The following IQCM variants were observed in gnomAD, a reference collection of about 807,000 sequenced individuals.
The protein encoded by IQCM is IQ motif containing M.
Under a neutral mutation model 57.6 loss-of-function variants are expected in IQCM, and 45 were observed. The observed-to-expected ratio is 0.78, with a 90% CI of 0.62 to 1.00. The LOEUF (loss-of-function observed/expected upper bound fraction) is 1.00, where lower values mean the gene tolerates loss of function less well. Ranked by LOEUF, IQCM falls within the 50% of genes least tolerant of loss-of-function variation. The pLI is 0.00. For missense variants in IQCM, 468 were observed against 511.6 expected, an observed-to-expected ratio of 0.91 and a Z score of 0.82; for synonymous variants, 148 against 158.9, an observed-to-expected ratio of 0.93 and a Z score of 0.51.
intron 12 of IQCM, among the ~76,000 whole-genome samples, chr4:149,452,919 A>G (rs1737284672): frequency 6.6e-6 from 1 of 151,568 alleles, no homozygotes; most frequent in African/African-American, 2.4e-5. Context: ...TTAAACAAAT[A>G]GGATATATTG....
At chr4:149,789,915 A>C (rs1580305425) in intron 2 of IQCM, 1 of 198,024 alleles carries the variant, frequency 5.0e-6, no homozygotes, top group East Asian at 1.3e-4. Flanking sequence ...GGCAAAGGCA[A>C]AGGCAAAAAG....
intron 5 of IQCM, among the ~76,000 whole-genome samples, chr4:149,720,317 A>G (rs947429998): frequency 2.0e-5 from 3 of 152,220 alleles, no homozygotes; most frequent in African/African-American, 4.8e-5. Context: ...ATGTTTTAAT[A>G]TCTTTTCTAT....
At chr4:149,535,920 G>C (rs991132391) in intron 12 of IQCM, among the ~76,000 whole-genome samples, 2 of 152,012 alleles carry the variant, frequency 1.3e-5, no homozygotes, top group Non-Finnish European at 2.9e-5. Flanking sequence ...TAGGGTGAAA[G>C]CAGGCATTAA....
At chr4:149,783,911 T>A (rs895820450) in intron 2 of IQCM, among the ~76,000 whole-genome samples, 1 of 152,052 alleles carries the variant, frequency 6.6e-6, no homozygotes, top group Non-Finnish European at 1.5e-5. Flanking sequence ...GGAAATAAAT[T>A]CTTCCAGCAA....
intron 7 of IQCM, among the ~76,000 whole-genome samples, chr4:149,660,201 C>T (rs1760046457): frequency 6.6e-6 from 1 of 151,408 alleles, no homozygotes; most frequent in Non-Finnish European, 1.5e-5. Context: ...CAAAAGAAGA[C>T]ATTTATGCAG....
intron 12 of IQCM, among the ~76,000 whole-genome samples, chr4:149,495,298 T>G (rs1288344868): frequency 6.6e-6 from 1 of 152,086 alleles, no homozygotes; most frequent in African/African-American, 2.4e-5. Flanking sequence ...TGGAAAAGAA[T>G]AGCTACCACG....
chr4:149,577,762 G>GA (rs979457237), intron 9 of IQCM, among the ~76,000 whole-genome samples: 13 of 152,010 alleles, frequency 8.6e-5, no homozygotes, highest in African/African-American at 3.1e-4. Flanking sequence ...CTAATTCTGT[G>GA]AAAAATGATA....
At chr4:149,694,559 C>CACA (rs1763195537) in intron 5 of IQCM, among the ~76,000 whole-genome samples, 2 of 151,768 alleles carry the variant, frequency 1.3e-5, no homozygotes, top group Non-Finnish European at 2.9e-5. Flanking sequence ...CACACACACA[C>CACA]AAAAAACAGC....
At chr4:149,586,168 G>A (rs1450840187) in intron 9 of IQCM, among the ~76,000 whole-genome samples, 7 of 151,562 alleles carry the variant, frequency 4.6e-5, no homozygotes, top group Non-Finnish European at 8.9e-5. Flanking sequence ...GCAAGAACAC[G>A]AACTGCTTTG....
At chr4:149,462,669 A>T (rs1738431280) in intron 12 of IQCM, among the ~76,000 whole-genome samples, 1 of 152,152 alleles carries the variant, frequency 6.6e-6, no homozygotes, top group African/African-American at 2.4e-5. Context: ...ATTAGTTATC[A>T]TGGAAATAAT....
intron 2 of IQCM, among the ~76,000 whole-genome samples, chr4:149,777,421 T>G (rs1034879488): frequency 2.0e-5 from 3 of 152,224 alleles, no homozygotes; most frequent in African/African-American, 7.2e-5. Context: ...CCATTTTATA[T>G]GCCTGTTTTT....
intron 12 of IQCM, among the ~76,000 whole-genome samples, chr4:149,487,880 G>A (rs763961384): frequency 6.6e-6 from 1 of 152,000 alleles, no homozygotes; most frequent in Non-Finnish European, 1.5e-5. Flanking sequence ...TTTTTTTAGT[G>A]ATATGAAATT....
chr4:149,379,706 G>A (rs1165615626), intron 13 of IQCM, among the ~76,000 whole-genome samples: 1 of 152,146 alleles, frequency 6.6e-6, no homozygotes, highest in Non-Finnish European at 1.5e-5. Flanking sequence ...TAAGACTTTG[G>A]ACTGTGGACT....
chr4:149,744,946 G>C (rs573082158), intron 2 of IQCM, among the ~76,000 whole-genome samples: 5 of 152,164 alleles, frequency 3.3e-5, no homozygotes, highest in African/African-American at 1.2e-4. Context: ...ATATAAATCC[G>C]TGAGTACTAT....
At chr4:149,368,782 ATG>A (rs1560778762) in intron 13 of IQCM, among the ~76,000 whole-genome samples, 3 of 111,988 alleles carry the variant, frequency 2.7e-5, no homozygotes, top group South Asian at 5.1e-4. Context: ...ATATATATAC[ATG>A]TATATATATA....
intron 13 of IQCM, among the ~76,000 whole-genome samples, chr4:149,386,515 T>C (rs1731437762): frequency 6.6e-6 from 1 of 152,046 alleles, no homozygotes; most frequent in Non-Finnish European, 1.5e-5. Context: ...AAAAAGTGCA[T>C]ACTGCAATTG....
chr4:149,459,216 C>T (rs942940264), intron 12 of IQCM, among the ~76,000 whole-genome samples: 1 of 152,170 alleles, frequency 6.6e-6, no homozygotes, highest in Non-Finnish European at 1.5e-5. Context: ...AAAACACATA[C>T]AGGATGAAAC....
At chr4:149,481,169 T>C (rs1740736081) in intron 12 of IQCM, among the ~76,000 whole-genome samples, 1 of 152,158 alleles carries the variant, frequency 6.6e-6, no homozygotes, top group African/African-American at 2.4e-5. Context: ...CCTTGTCAGG[T>C]GGATAGTTCG....
chr4:149,640,644 G>C (rs561244032), intron 7 of IQCM, among the ~76,000 whole-genome samples: 5 of 151,970 alleles, frequency 3.3e-5, no homozygotes, highest in African/African-American at 1.2e-4. Flanking sequence ...CATCTTTAAG[G>C]CTTTTCCCAT....
Sources: gnomAD v4.1 joint callset for allele counts (sites outside exome capture counted in the v4.1 genomes callset) on GRCh38, gnomAD v4.1.1 for gene constraint, MANE v1.5 for transcripts, NCBI Gene and HGNC (gene_info 2026-07-23, HGNC 2026-07-21) for gene names.